Variants in LRRC7 observed in about 807,000 individuals in gnomAD.
LRRC7 encodes leucine-rich repeat-containing protein 7.
LRRC7 carries 23 observed loss-of-function variants against 175.7 expected under a neutral mutation model. The observed-to-expected ratio is 0.13, with a 90% CI of 0.09 to 0.19. The LOEUF is 0.19. Among genes scored for constraint, LRRC7 ranks in the 10% least tolerant of loss-of-function variants. LRRC7 has a pLI of 1.00. For synonymous variants in LRRC7, 685 were observed against 680.9 expected (o/e 1.01, Z -0.09); for missense variants, 1,354 against 1,904.7 (o/e 0.71, Z 5.38).
chr1:69,694,511 G>A (rs1662309494), intron 2 of LRRC7, among the ~76,000 whole-genome samples: 1 of 151,866 alleles, frequency 6.6e-6, no homozygotes, highest in African/African-American at 2.4e-5. Context: ...ATATCTTTAG[G>A]CTTCAGTCAC....
chr1:69,919,559 C>A, intron 7 of LRRC7: 1 of 791,876 alleles, frequency 1.3e-6, no homozygotes. Context: ...GTCAAGGCGG[C>A]CCTCGACCTG....
At chr1:69,824,929 C>G (rs1305363908) in intron 4 of LRRC7, among the ~76,000 whole-genome samples, 1 of 152,156 alleles carries the variant, frequency 6.6e-6, no homozygotes, top group East Asian at 1.9e-4. Flanking sequence ...GCAGGGCCTA[C>G]TACATTGATC....
intron 4 of LRRC7, among the ~76,000 whole-genome samples, chr1:69,792,626 T>G (rs1675258177): frequency 1.3e-5 from 2 of 152,244 alleles, no homozygotes. Flanking sequence ...CCTATGGTTA[T>G]GGTATATTTT....
intron 1 of LRRC7, among the ~76,000 whole-genome samples, chr1:69,635,656 T>C (rs1195822183): frequency 1.3e-5 from 2 of 152,126 alleles, no homozygotes; most frequent in Non-Finnish European, 2.9e-5. Flanking sequence ...AATCTTTTTA[T>C]GATGTCCGGA....
At chr1:69,599,901 A>G (rs1307807279) in intron 1 of LRRC7, among the ~76,000 whole-genome samples, 2 of 152,132 alleles carry the variant, frequency 1.3e-5, no homozygotes, top group Admixed American at 1.3e-4. Flanking sequence ...AGGTCTGCAA[A>G]AAACGTTTAC....
At chr1:69,764,359 A>C (rs1474939059) in intron 3 of LRRC7, among the ~76,000 whole-genome samples, 2 of 151,978 alleles carry the variant, frequency 1.3e-5, no homozygotes, top group Non-Finnish European at 2.9e-5. Context: ...CTTGAAACTG[A>C]AGAACTTTAA....
chr1:70,071,846 A>G (rs1662412911), intron 23 of LRRC7, among the ~76,000 whole-genome samples: 1 of 152,164 alleles, frequency 6.6e-6, no homozygotes, highest in Non-Finnish European at 1.5e-5. Context: ...TCTTAGTCTA[A>G]CACTCTTTTT....
chr1:69,908,144 TTCTC>T (rs1204274302), intron 7 of LRRC7, among the ~76,000 whole-genome samples: 6 of 152,218 alleles, frequency 3.9e-5, no homozygotes, highest in African/African-American at 1.4e-4. Flanking sequence ...TATTTCATTC[TTCTC>T]TCTTTTTTTC....
At chr1:69,901,078 A>T (rs1171401876) in intron 7 of LRRC7, among the ~76,000 whole-genome samples, 1 of 152,204 alleles carries the variant, frequency 6.6e-6, no homozygotes, top group Non-Finnish European at 1.5e-5. Context: ...TTCTGAGCCC[A>T]GAAATGATAT....
intron 8 of LRRC7, among the ~76,000 whole-genome samples, chr1:69,942,970 T>A (rs1476798062): frequency 6.6e-6 from 1 of 152,004 alleles, no homozygotes; most frequent in Non-Finnish European, 1.5e-5. Context: ...GCATTATGAG[T>A]TTTTTTGCGA....
chr1:69,985,085 T>C (rs911322700), intron 9 of LRRC7, among the ~76,000 whole-genome samples: 2 of 152,244 alleles, frequency 1.3e-5, no homozygotes, highest in African/African-American at 4.8e-5. Flanking sequence ...TTCCCTGTTC[T>C]GTGGCATTCA....
intron 17 of LRRC7, among the ~76,000 whole-genome samples, 171 bp from the exon 18 acceptor site, chr1:70,028,000 G>A (rs1310745345): frequency 6.6e-6 from 1 of 152,156 alleles, no homozygotes; most frequent in Non-Finnish European, 1.5e-5. Context: ...AGAAGTCCCA[G>A]AAGGCTGAAT....
In LRRC7 at chr1:69,845,493, A is replaced by T. The variant is rs558990233; in HGVS notation, c.647+7210A>T. ...GATTACTCCATAGACAGACTTATCT[A>T]AAATATAATAGATTTGTTATGTTTT... On this transcript the variant is annotated intron_variant, in intron 7 of 26. Coordinates refer to ENST00000651989, the MANE Select transcript of LRRC7 (RefSeq NM_001370785.2). Among the ~76,000 whole-genome samples, 5 of 152,090 alleles carry T rather than the reference A, an allele frequency of 3.3e-5. No individual in the cohort carries two copies. In the South Asian group the frequency reaches 8.3e-4, roughly 25 times the overall value.
chr1:69,919,721 T>C (rs1200461141), intron 7 of LRRC7: 2 of 1,028,520 alleles, frequency 1.9e-6, no homozygotes, highest in Non-Finnish European at 1.5e-6. Flanking sequence ...CCTGGGTGCC[T>C]TCAGCAAAGG....
intron 7 of LRRC7, among the ~76,000 whole-genome samples, chr1:69,854,058 G>A (rs960631676): frequency 6.6e-6 from 1 of 152,084 alleles, no homozygotes; most frequent in Non-Finnish European, 1.5e-5. Flanking sequence ...CTGTTTTTTA[G>A]TTGAGATCCT....
intron 8 of LRRC7, among the ~76,000 whole-genome samples, chr1:69,937,988 C>T (rs983055041): frequency 7.3e-5 from 11 of 151,312 alleles, no homozygotes; most frequent in Non-Finnish European, 1.2e-4. Context: ...TCATTACTCA[C>T]CAAGATATTT....
At chr1:69,680,555 T>C (rs1002423783) in intron 2 of LRRC7, among the ~76,000 whole-genome samples, 6 of 151,920 alleles carry the variant, frequency 3.9e-5, no homozygotes, top group Admixed American at 3.3e-4. Flanking sequence ...TATTGAAAAA[T>C]GCAAAATCTA....
chr1:69,914,200 C>T (rs1022017702), intron 7 of LRRC7, among the ~76,000 whole-genome samples: 7 of 152,098 alleles, frequency 4.6e-5, no homozygotes, highest in African/African-American at 1.7e-4. Flanking sequence ...TTTGCAGAAT[C>T]CTGAGTCAGC....
chr1:69,741,522 C>T (rs1181289626), intron 2 of LRRC7, among the ~76,000 whole-genome samples: 1 of 151,800 alleles, frequency 6.6e-6, no homozygotes, highest in African/African-American at 2.4e-5. Flanking sequence ...GAGGCCAGAC[C>T]ACCAAATGCA....
Sources: gnomAD v4.1 joint callset for allele counts (sites outside exome capture counted in the v4.1 genomes callset) on GRCh38, gnomAD v4.1.1 for gene constraint, MANE v1.5 for transcripts, NCBI Gene and HGNC (gene_info 2026-07-23, HGNC 2026-07-21) for gene names.